The following MRE11 variants were observed in gnomAD, a reference collection of about 807,000 sequenced individuals.
MRE11 encodes double-strand break repair protein MRE11.
Under a neutral mutation model 91.7 loss-of-function variants are expected in MRE11, and 62 were observed. The ratio of observed to expected loss-of-function variants is 0.68; its 90% CI spans 0.55 to 0.84. The LOEUF (loss-of-function observed/expected upper bound fraction) is 0.84, where lower values mean the gene tolerates loss of function less well. Ranked by LOEUF, MRE11 falls within the 40% of genes least tolerant of loss-of-function variation. MRE11 has a pLI of 0.00. For missense variants in MRE11, 796 were observed against 852.9 expected, an observed-to-expected ratio of 0.93 and a Z score of 0.83; for synonymous variants, 273 against 271.4, an observed-to-expected ratio of 1.01 and a Z score of -0.06.
intron 10 of MRE11, among the ~76,000 whole-genome samples, chr11:94,466,089 A>G (rs1472191334): frequency 6.6e-6 from 1 of 152,148 alleles, no homozygotes; most frequent in Non-Finnish European, 1.5e-5. Flanking sequence ...AGAAAGGAGG[A>G]GAGAAGTATG....
chr11:94,466,658 G>GA, intron 10 of MRE11: 1 of 319,444 alleles, frequency 3.1e-6, no homozygotes. Flanking sequence ...CAGGAAGTCT[G>GA]GCTCTACACT....
intron 2 of MRE11, among the ~76,000 whole-genome samples, chr11:94,491,891 G>A (rs1947292778): frequency 9.2e-6 from 1 of 109,284 alleles, no homozygotes; most frequent in African/African-American, 4.2e-5. Context: ...CAAGAAGGTA[G>A]GTCAGATACT....
At chr11:94,465,291 C>G (rs1179580765) in intron 10 of MRE11, among the ~76,000 whole-genome samples, 1 of 151,966 alleles carries the variant, frequency 6.6e-6, no homozygotes, top group Non-Finnish European at 1.5e-5. Flanking sequence ...TGCTGTGAGG[C>G]AGACACAGAT....
chr11:94,478,596 C>A, intron 6 of MRE11, 139 bp downstream of exon 6: 3 of 1,003,482 alleles, frequency 3.0e-6, no homozygotes, highest in South Asian at 1.8e-5. Context: ...TTACCAAAAC[C>A]ATCCATCATT....
chr11:94,461,088 G>C (rs2135001058), intron 11 of MRE11, 52 bp from the exon 12 acceptor site: 1 of 1,457,020 alleles, frequency 6.9e-7, no homozygotes, highest in Non-Finnish European at 9.5e-7. Context: ...ATGTTAAAAT[G>C]TGCATACTCA....
the MRE11 span, among the ~76,000 whole-genome samples, chr11:94,505,923 G>A: frequency 6.6e-6 from 1 of 152,192 alleles, no homozygotes; most frequent in Non-Finnish European, 1.5e-5. Context: ...ACAGTATACA[G>A]TATAGTAACA....
the MRE11 span, among the ~76,000 whole-genome samples, chr11:94,503,891 G>C: frequency 1.3e-5 from 2 of 151,692 alleles, no homozygotes; most frequent in Non-Finnish European, 2.9e-5. Flanking sequence ...TGTAGTATTG[G>C]TGGATGGACA....
intron 16 of MRE11, among the ~76,000 whole-genome samples, chr11:94,439,568 T>C (rs1423399712): frequency 6.6e-6 from 1 of 152,228 alleles, no homozygotes; most frequent in Non-Finnish European, 1.5e-5. Context: ...TAAGCTCATT[T>C]AATAAAATTA....
intron 14 of MRE11, among the ~76,000 whole-genome samples, chr11:94,452,795 A>G (rs2134948843): frequency 1.3e-5 from 2 of 152,316 alleles, no homozygotes; most frequent in East Asian, 3.9e-4. Context: ...TTGAAAACAT[A>G]CTATCCTACT....
intron 16 of MRE11, among the ~76,000 whole-genome samples, chr11:94,442,269 T>C (rs1187864097): frequency 6.6e-6 from 1 of 152,114 alleles, no homozygotes. Flanking sequence ...ACAGTGAAAC[T>C]GCAGAACACC....
intron 19 of MRE11, among the ~76,000 whole-genome samples, chr11:94,426,385 G>C (rs1400870125): frequency 6.7e-6 from 1 of 149,990 alleles, no homozygotes; most frequent in Non-Finnish European, 1.5e-5. Flanking sequence ...TAAAAGGAAA[G>C]CTTACAGAAC....
intron 3 of MRE11, among the ~76,000 whole-genome samples, chr11:94,489,420 A>G (rs1947229254): frequency 6.6e-6 from 1 of 152,130 alleles, no homozygotes; most frequent in South Asian, 2.1e-4. Context: ...TTTATACTAG[A>G]TTCAATGGAA....
rs1173529800 is a variant in MRE11, at chr11:94,435,815, A to T, written c.1994+17T>A. Reference sequence around the variant, plus strand: ...TTTTTTTCAGATGTTTCTTTTGCAGAAAATCACTGCACCTACCTTTGATCT... The same window carrying T: ...TTTTTTTCAGATGTTTCTTTTGCAGTAAATCACTGCACCTACCTTTGATCT... On this transcript the variant is annotated intron_variant, in intron 18 of 19. Coordinates refer to ENST00000323929, the MANE Select transcript of MRE11 (RefSeq NM_005591.4). 7 of 1,605,462 alleles carry T rather than the reference A, an allele frequency of 4.4e-6. No homozygotes were observed. The East Asian group carries it at 1.6e-4, about 36-fold the overall frequency.
intron 14 of MRE11, among the ~76,000 whole-genome samples, chr11:94,452,712 T>C (rs2134948186): frequency 6.6e-6 from 1 of 152,330 alleles, no homozygotes; most frequent in South Asian, 2.1e-4. Context: ...AATGTATTAC[T>C]TCTAAGAGCT....
rs1230862445 is a variant in MRE11 at position 94,492,853 on chromosome 11, T to A, written c.-52A>T. The A allele has an allele frequency of 2.0e-6, 3 of 1,526,664 alleles. No individual in the cohort carries two copies. The allele number at this position is 1,526,664 out of a possible 1,614,324, so 94.6% of individuals were successfully genotyped here. A position where few individuals can be genotyped will look rare whatever the true frequency, so the allele number is the denominator to read the frequency against. On this transcript the variant is annotated 5_prime_UTR_variant, in exon 2 of 20. Transcript: ENST00000323929. ...GACCAGGTTCTTCTCCAAGAACCCC[T>A]GGGTACTGTACTCAAATGTCAGAAA...
In MRE11 at chr11:94,470,456, AT is replaced by A. The variant is rs1404046738; in HGVS notation, c.1017+14del. 1 of 1,610,614 alleles carries A rather than the reference AT, an allele frequency of 6.2e-7. No homozygotes were observed. Among genetic ancestry groups the A allele is most frequent in the Non-Finnish European group, 8.5e-7 (1 of 1,177,466 alleles). On this transcript the variant is annotated intron_variant, in intron 9 of 19. Transcript: ENST00000323929. ...AACTAAAGTAGATCTCATTGACTTT[AT>A]CAAAAAGAATTACCTTCTCCAAACA...
intron 7 of MRE11, among the ~76,000 whole-genome samples, chr11:94,472,411 C>A (rs542233626): frequency 6.6e-6 from 1 of 152,148 alleles, no homozygotes; most frequent in East Asian, 1.9e-4. Context: ...CATAGTTTAA[C>A]CAAGCATTCA....
chr11:94,476,059 A>G (rs1230162595), intron 7 of MRE11, among the ~76,000 whole-genome samples: 1 of 152,208 alleles, frequency 6.6e-6, no homozygotes, highest in African/African-American at 2.4e-5. Context: ...TGTTGAATTG[A>G]GGAGTATTCA....
chr11:94,452,796 C>T (rs1036840591), intron 14 of MRE11, among the ~76,000 whole-genome samples: 5 of 152,132 alleles, frequency 3.3e-5, no homozygotes, highest in Non-Finnish European at 5.9e-5. Flanking sequence ...TGAAAACATA[C>T]TATCCTACTG....
Sources: allele counts gnomAD v4.1 joint callset (sites outside exome capture counted in the v4.1 genomes callset), GRCh38; gene constraint gnomAD v4.1.1; transcripts MANE v1.5; gene names NCBI Gene and HGNC (gene_info 2026-07-23, HGNC 2026-07-21).